The following PLAAT5 variants were observed in gnomAD, a reference collection of about 807,000 sequenced individuals.
PLAAT5 encodes the protein Ca(2+)-independent N-acyltransferase.
PLAAT5 carries 27 observed loss-of-function variants against 27.8 expected under a neutral mutation model. That is an observed-to-expected ratio of 0.97 (90% confidence interval 0.72 to 1.34). The LOEUF is 1.34. Ranked by LOEUF, PLAAT5 falls within the 40% of genes most tolerant of loss-of-function variation. The pLI is 0.00. For synonymous variants in PLAAT5, 125 were observed against 136.1 expected, an observed-to-expected ratio of 0.92 and a Z score of 0.57; for missense variants, 368 against 343.8, an observed-to-expected ratio of 1.07 and a Z score of -0.56.
At chr11:63,470,700 T>C (rs1283662668) in intron 3 of PLAAT5, 1 of 152,398 alleles carries the variant, frequency 6.6e-6, no homozygotes, top group African/African-American at 2.4e-5. Flanking sequence ...TTTTAATTAA[T>C]GTTCATGCCT....
intron 3 of PLAAT5, among the ~76,000 whole-genome samples, chr11:63,473,080 C>T (rs372873888): frequency 2.0e-4 from 30 of 151,740 alleles, no homozygotes; most frequent in African/African-American, 6.0e-4. Context: ...ACTGCACCAC[C>T]GCACTCCAGC....
At chr11:63,490,084 T>G (rs942415269) in intron 2 of PLAAT5, among the ~76,000 whole-genome samples, 159 bp downstream of exon 2, 2 of 152,208 alleles carry the variant, frequency 1.3e-5, no homozygotes, top group African/African-American at 4.8e-5. Context: ...CAGTACCATC[T>G]GTTATCACCC....
In PLAAT5 at chr11:63,468,473, G is replaced by A. The variant is rs2015925223; in HGVS notation, c.346-8C>T. The A allele has an allele frequency of 6.2e-7, 1 of 1,605,102 alleles. No homozygotes were observed. The highest frequency in any genetic ancestry group is 1.1e-5 in the South Asian group (1 of 90,610). On this transcript the variant is annotated splice_region_variant and splice_polypyrimidine_tract_variant and intron_variant, in intron 3 of 5. Transcript: ENST00000540857. ...TCTGGGTCTTGGTTTTCCCTATAAT[G>A]GAAAAATAAAAGATAAATGGCACAT... is the stretch of plus-strand genomic sequence containing the variant.
At chr11:63,489,560 C>A (rs551254402) in intron 2 of PLAAT5, among the ~76,000 whole-genome samples, 1 of 152,168 alleles carries the variant, frequency 6.6e-6, no homozygotes, top group Non-Finnish European at 1.5e-5. Context: ...TAAAATACTT[C>A]GAAGCCAAAA....
At position 63,491,014 on chromosome 11, in the gene PLAAT5, G is replaced by A. The variant is rs751194038; in HGVS notation, c.21C>T (p.Ala7=). 3 of 1,510,300 alleles carry A rather than the reference G, an allele frequency of 2.0e-6. No homozygotes were observed. Among genetic ancestry groups the A allele is most frequent in the Admixed American group, 4.2e-5 (2 of 47,212 alleles). 93.6% of individuals were successfully genotyped at this position (1,510,300 alleles called of 1,614,324 possible). A position where few individuals can be genotyped will look rare whatever the true frequency, so the allele number is the denominator to read the frequency against. The change falls in exon 1 of 6, where the codon GCC becomes GCT. Residue 7 remains alanine (A), a synonymous_variant. Transcript: ENST00000540857. ...GGAGGCGGAGCGCGTACTCCCCCTC[G>A]GCGCCCGGGCTCAGGCCCATCCCGC... The part of the protein sequence containing the change: MGLSPG[A]EGEYALRLPR...
chr11:63,479,486 G>A (rs1590621059), intron 3 of PLAAT5, among the ~76,000 whole-genome samples: 2 of 152,218 alleles, frequency 1.3e-5, no homozygotes, highest in South Asian at 2.1e-4. Flanking sequence ...GCAGATGCAG[G>A]TAAACAGTTA....
At chr11:63,484,159 GAA>G (rs763657277) in intron 3 of PLAAT5, among the ~76,000 whole-genome samples, 3 of 107,236 alleles carry the variant, frequency 2.8e-5, no homozygotes, top group Non-Finnish European at 4.1e-5. Context: ...GCCAACAACA[GAA>G]AAAAAAAAAA....
intron 3 of PLAAT5, among the ~76,000 whole-genome samples, 167 bp from the exon 4 acceptor site, chr11:63,468,632 C>T (rs968452782): frequency 2.0e-5 from 3 of 152,094 alleles, no homozygotes; most frequent in African/African-American, 4.8e-5. Context: ...AAAGAAGTCC[C>T]CTCCTCTCCT....
intron 3 of PLAAT5, among the ~76,000 whole-genome samples, chr11:63,488,527 A>G (rs2016489680): frequency 6.6e-6 from 1 of 152,178 alleles, no homozygotes; most frequent in Admixed American, 6.5e-5. Context: ...AGCATAACCA[A>G]CATCCCAAAT....
At chr11:63,481,807 C>CA (rs1444082652) in intron 3 of PLAAT5, among the ~76,000 whole-genome samples, 4 of 151,972 alleles carry the variant, frequency 2.6e-5, no homozygotes, top group African/African-American at 9.7e-5. Context: ...ATCGCAAGGA[C>CA]AAAAAACCAA....
At chr11:63,485,047 T>TA (rs879922311) in intron 3 of PLAAT5, among the ~76,000 whole-genome samples, 192 of 141,092 alleles carry the variant, frequency 1.4e-3, no homozygotes, top group East Asian at 5.3e-3. Context: ...AAAACAGCTG[T>TA]AAAAAAAAAA....
At chr11:63,471,217 C>G (rs1161006459) in intron 3 of PLAAT5, among the ~76,000 whole-genome samples, 1 of 152,106 alleles carries the variant, frequency 6.6e-6, no homozygotes. Context: ...GTAGAAAGAA[C>G]TAAGGTATAG....
At chr11:63,490,364 C>T (rs1328930029) in intron 1 of PLAAT5, 31 bp from the exon 2 acceptor site, 2 of 1,614,010 alleles carry the variant, frequency 1.2e-6, no homozygotes, top group South Asian at 1.1e-5. Context: ...CTATTTAGAC[C>T]TGTGAAAGGA....
At chr11:63,478,522 C>T (rs921264633) in intron 3 of PLAAT5, among the ~76,000 whole-genome samples, 10 of 152,130 alleles carry the variant, frequency 6.6e-5, no homozygotes, top group African/African-American at 2.2e-4. Context: ...GGGGTTTTAC[C>T]GTGTTAGCCA....
chr11:63,463,558 C>T lies in PLAAT5; in HGVS notation c.755G>A (p.Gly252Glu), dbSNP rs1217033517. The T allele has an allele frequency of 2.5e-6, 4 of 1,613,792 alleles. No homozygotes were observed. The highest frequency in any genetic ancestry group is 3.4e-6 in the Non-Finnish European group (4 of 1,180,042). ...HALMEGAKAA[G>E]AVISAVVDSI... ...ATCCACTACAGCTGAAATAACTGCT[C>T]CAGCAGCCTTCGCTCCTTCCATCAG... The change falls in exon 6 of 6, where the codon GGA (glycine) becomes GAA (glutamate). Residue 252 changes from glycine (G) to glutamate (E), a missense_variant. By Grantham distance (98) the Gly-to-Glu change is moderately conservative (BLOSUM62 -2). Transcript: ENST00000540857.
At chr11:63,483,801 G>GTA (rs71039646) in intron 3 of PLAAT5, among the ~76,000 whole-genome samples, 1,088 of 23,956 alleles carry the variant, frequency 0.045, 46 homozygotes, top group South Asian at 0.058. Context: ...ATATATATAT[G>GTA]TATATATATA....
At chr11:63,480,290 G>A (rs2016253525) in intron 3 of PLAAT5, among the ~76,000 whole-genome samples, 1 of 152,196 alleles carries the variant, frequency 6.6e-6, no homozygotes, top group Non-Finnish European at 1.5e-5. Context: ...AATTCATTGT[G>A]AGGCCAATCT....
At chr11:63,485,382 A>G (rs1158706400) in intron 3 of PLAAT5, among the ~76,000 whole-genome samples, 1 of 152,230 alleles carries the variant, frequency 6.6e-6, no homozygotes, top group African/African-American at 2.4e-5. Context: ...TTTGAACTAT[A>G]CTGCAAGGCT....
chr11:63,487,927 T>C (rs933326947), intron 3 of PLAAT5, among the ~76,000 whole-genome samples: 29 of 152,284 alleles, frequency 1.9e-4, no homozygotes, highest in Non-Finnish European at 3.8e-4. Flanking sequence ...GGGAGGATCA[T>C]GAGGTCGGGA....
Sources: gnomAD v4.1 joint callset for allele counts (sites outside exome capture counted in the v4.1 genomes callset) on GRCh38, gnomAD v4.1.1 for gene constraint, MANE v1.5 for transcripts, NCBI Gene and HGNC (gene_info 2026-07-23, HGNC 2026-07-21) for gene names.